VRK2: variants seen among roughly 807,000 people sequenced by gnomAD.
VRK2 encodes serine/threonine-protein kinase VRK2.
In VRK2, 60 loss-of-function variants were observed where a neutral mutation model predicts 57.6. The observed-to-expected ratio is 1.04, with a 90% CI of 0.85 to 1.29. The LOEUF (loss-of-function observed/expected upper bound fraction) is 1.29, where lower values mean the gene tolerates loss of function less well. VRK2 is among the 50% of genes most tolerant of loss of function. VRK2 has a pLI of 0.00. For synonymous variants in VRK2, 231 were observed against 199.2 expected (o/e 1.16, Z -1.35); for missense variants, 705 against 588.1 (o/e 1.20, Z -2.06).
intron 1 of VRK2, among the ~76,000 whole-genome samples, chr2:57,983,424 G>T (rs72808491): frequency 0.12 from 18,505 of 152,096 alleles, 1,209 homozygotes; most frequent in East Asian, 0.19. Context: ...CATCTGCAAA[G>T]TTCCTTTTTT....
At chr2:57,962,243 T>C (rs1387464550) in intron 1 of VRK2, among the ~76,000 whole-genome samples, 3 of 152,142 alleles carry the variant, frequency 2.0e-5, no homozygotes, top group Non-Finnish European at 4.4e-5. Flanking sequence ...AGACCCAGAA[T>C]GGTTAATATT....
chr2:58,143,055 T>C (rs561970959), intron 11 of VRK2, among the ~76,000 whole-genome samples: 1 of 151,982 alleles, frequency 6.6e-6, no homozygotes, highest in East Asian at 1.9e-4. Context: ...AATATATTAT[T>C]ATTGGTAGTA....
intron 1 of VRK2, chr2:58,048,626 T>C: frequency 6.7e-7 from 1 of 1,494,810 alleles, no homozygotes; most frequent in Non-Finnish European, 9.0e-7. Flanking sequence ...TCTATACCTC[T>C]TAGATCTCAG....
intron 5 of VRK2, among the ~76,000 whole-genome samples, chr2:58,087,863 T>C (rs1049586892): frequency 7.9e-5 from 12 of 152,112 alleles, no homozygotes; most frequent in Non-Finnish European, 1.8e-4. Context: ...GGTGCATGCC[T>C]GCAGTCCCAG....
intron 2 of VRK2, among the ~76,000 whole-genome samples, chr2:58,029,667 T>G (rs555238841): frequency 6.6e-6 from 1 of 152,200 alleles, no homozygotes; most frequent in East Asian, 1.9e-4. Flanking sequence ...CTCCCTCCCC[T>G]GTCATATTGA....
chr2:57,935,563 G>A lies in VRK2; in HGVS notation c.-439+27724G>A, dbSNP rs2103943042. Reference sequence around the variant, plus strand: ...GGAGTGAGACACATGGAGTTTTGGGGGTGTCCCTTGTGGGTCCGGAGGTAA... The same window carrying A: ...GGAGTGAGACACATGGAGTTTTGGGAGTGTCCCTTGTGGGTCCGGAGGTAA... On this transcript the variant is annotated intron_variant, in intron 1 of 15. Coordinates refer to the VRK2 transcript ENST00000417641. Among the ~76,000 whole-genome samples the A allele has an allele frequency of 1.3e-5, 2 of 152,164 alleles. 1 individual carries two copies. The highest frequency in any genetic ancestry group is 4.2e-4 in the South Asian group (2 of 4,814).
intron 1 of VRK2, among the ~76,000 whole-genome samples, chr2:57,954,321 T>C (rs1423945972): frequency 3.9e-5 from 6 of 152,052 alleles, no homozygotes; most frequent in Non-Finnish European, 7.4e-5. Flanking sequence ...TTCTATACAG[T>C]GGAAATTGTA....
chr2:58,088,078 T>C (rs1167765428), intron 5 of VRK2, among the ~76,000 whole-genome samples: 1 of 152,228 alleles, frequency 6.6e-6, no homozygotes, highest in Non-Finnish European at 1.5e-5. Flanking sequence ...TACTATCTAA[T>C]TTAGAAAGAT....
At position 58,159,692 on chromosome 2, in the gene VRK2, G is replaced by A; in HGVS notation, c.1526G>A (p.Ter509=). Residue 509 remains the stop codon, a stop_retained_variant, in exon 13 of 13, where the codon TGA becomes TAA. Transcript: ENST00000340157. ...MLVFLALFFL[*] The stretch of plus-strand genomic sequence containing the variant: ...GTATTTCTTGCTTTATTTTTTCTCT[G>A]AAGATGATACCAAAATTCCTTTTGA... 6.2e-7 allele frequency: 1 copy of A among 1,612,358 alleles called. No individual in the cohort carries two copies. The highest frequency in any genetic ancestry group is 8.5e-7 in the Non-Finnish European group (1 of 1,179,382).
chr2:58,084,885 A>G lies in VRK2; in HGVS notation c.191A>G (p.Tyr64Cys). The G allele has an allele frequency of 6.4e-7, 1 of 1,556,732 alleles. No individual in the cohort carries two copies. Among genetic ancestry groups the G allele is most frequent in the Non-Finnish European group, 8.7e-7 (1 of 1,145,540 alleles). The change falls in exon 4 of 13, where the codon TAT becomes TGT. Residue 64 changes from tyrosine to cysteine, a missense_variant. Transcript: ENST00000340157. ...TAATTATTCTTTTTTTTATAGGAAT[A>G]TCAAGAAAATGGCCCGTTATTTTCA... ...KDARHVVKVE[Y>C]QENGPLFSEL...
chr2:57,948,666 G>C (rs1305627990), intron 1 of VRK2, among the ~76,000 whole-genome samples: 2 of 152,092 alleles, frequency 1.3e-5, no homozygotes, highest in Non-Finnish European at 2.9e-5. Context: ...AAAGAAGAAA[G>C]ATTTGGATAC....
chr2:58,046,791 GC>G, upstream of VRK2: 3 of 985,620 alleles, frequency 3.0e-6, no homozygotes, highest in Non-Finnish European at 3.6e-6. Flanking sequence ...GGGACTGTAG[GC>G]CCGGGGGCTC....
rs777482449 is a variant in VRK2 at position 58,098,152 on chromosome 2, G to C, written c.543+8429G>C. ...AAAAAAGAAAATAAATATAGAAAAA[G>C]CCTACAGAATAAGGATATAAAGTAT... On this transcript the variant is annotated intron_variant, in intron 7 of 12. Coordinates refer to ENST00000340157, the MANE Select transcript of VRK2 (RefSeq NM_006296.7). Among the ~76,000 whole-genome samples, 253 of 151,996 alleles carry C rather than the reference G, an allele frequency of 1.7e-3. 4 individuals are homozygous for C. The Middle Eastern group carries it at 0.041, about 25-fold the overall frequency.
chr2:57,988,569 T>C (rs967554685), intron 1 of VRK2, among the ~76,000 whole-genome samples: 1 of 152,194 alleles, frequency 6.6e-6, no homozygotes, highest in Non-Finnish European at 1.5e-5. Context: ...AGCATCCAAA[T>C]TGAATGAAAT....
At chr2:58,027,575 T>C (rs1673969107) in intron 2 of VRK2, among the ~76,000 whole-genome samples, 3 of 152,048 alleles carry the variant, frequency 2.0e-5, no homozygotes, top group Admixed American at 2.0e-4. Flanking sequence ...GGTGGATTGG[T>C]GGAAAGGGGG....
At chr2:57,951,733 T>C (rs1671432201) in intron 1 of VRK2, among the ~76,000 whole-genome samples, 1 of 152,108 alleles carries the variant, frequency 6.6e-6, no homozygotes, top group Admixed American at 6.5e-5. Context: ...CAGATGATTG[T>C]TAGCAGTTTT....
chr2:58,158,325 G>T (rs1335457406), intron 12 of VRK2, among the ~76,000 whole-genome samples: 1 of 152,150 alleles, frequency 6.6e-6, no homozygotes, highest in Non-Finnish European at 1.5e-5. Flanking sequence ...AGTTTAAAAT[G>T]AGTTATTTAA....
intron 1 of VRK2, among the ~76,000 whole-genome samples, chr2:57,982,878 C>T (rs1018979140): frequency 8.5e-5 from 13 of 152,174 alleles, no homozygotes; most frequent in African/African-American, 2.2e-4. Context: ...AGGCTCCACA[C>T]GGGCTAGACT....
intron 2 of VRK2, among the ~76,000 whole-genome samples, chr2:58,055,553 T>C (rs1297216390): frequency 6.6e-6 from 1 of 150,840 alleles, no homozygotes; most frequent in Non-Finnish European, 1.5e-5. Flanking sequence ...CTCCTGCAAG[T>C]GCCTCCAGCA....
Sources: gnomAD v4.1 joint callset for allele counts (sites outside exome capture counted in the v4.1 genomes callset) on GRCh38, gnomAD v4.1.1 for gene constraint, MANE v1.5 for transcripts, NCBI Gene and HGNC (gene_info 2026-07-23, HGNC 2026-07-21) for gene names.